DOCK1: variants seen among roughly 807,000 people sequenced by gnomAD.
DOCK1 encodes the protein dedicator of cytokinesis protein 1.
In DOCK1, 138 loss-of-function variants were observed where a neutral mutation model predicts 262.7. The observed-to-expected ratio is 0.53, with a 90% confidence interval of 0.46 to 0.61. The LOEUF is 0.61. Ranked by LOEUF, DOCK1 falls within the 20% of genes least tolerant of loss-of-function variation. The probability of loss-of-function intolerance (pLI) is 0.00; values close to 1 mark genes in which losing one functional copy is unlikely to be tolerated. For missense variants in DOCK1, 1,908 were observed against 2,370.7 expected, an observed-to-expected ratio of 0.80 and a Z score of 4.05; for synonymous variants, 866 against 867.4, an observed-to-expected ratio of 1.00 and a Z score of 0.03.
At chr10:127,198,260 G>T (rs1307850552) in intron 27 of DOCK1, among the ~76,000 whole-genome samples, 1 of 152,230 alleles carries the variant, frequency 6.6e-6, no homozygotes, top group Non-Finnish European at 1.5e-5. Flanking sequence ...GTTCCCTTGG[G>T]GATGTGCTGT....
At chr10:127,001,891 C>T (rs879493373) in intron 10 of DOCK1, among the ~76,000 whole-genome samples, 3 of 152,160 alleles carry the variant, frequency 2.0e-5, no homozygotes, top group Admixed American at 1.3e-4. Flanking sequence ...TTTTATGAGA[C>T]AGAGTCTAAC....
At chr10:127,409,249 T>TG (rs891880661) in intron 41 of DOCK1, 64 bp from the exon 42 acceptor site, 8 of 1,612,060 alleles carry the variant, frequency 5.0e-6, no homozygotes, top group African/African-American at 4.0e-5. Flanking sequence ...TTGGGTGTGG[T>TG]GGGGGGCCTC....
chr10:126,949,196 A>C (rs1418456530), intron 1 of DOCK1, among the ~76,000 whole-genome samples: 1 of 151,998 alleles, frequency 6.6e-6, no homozygotes, highest in South Asian at 2.1e-4. Context: ...TGTTTATTGA[A>C]GGTGACCTGG....
intron 29 of DOCK1, among the ~76,000 whole-genome samples, chr10:127,296,524 G>A (rs2061510334): frequency 6.6e-6 from 1 of 152,226 alleles, no homozygotes; most frequent in African/African-American, 2.4e-5. Context: ...CGTGTGGAGT[G>A]ACGGTCAGGA....
intron 32 of DOCK1, among the ~76,000 whole-genome samples, chr10:127,361,207 A>G (rs1293529646): frequency 3.7e-5 from 5 of 134,758 alleles, no homozygotes; most frequent in East Asian, 4.4e-4. Context: ...TCTTCCTCCC[A>G]GGTTCACGCC....
At chr10:126,928,668 G>A (rs1347229435) in intron 1 of DOCK1, among the ~76,000 whole-genome samples, 1 of 149,212 alleles carries the variant, frequency 6.7e-6, no homozygotes, top group African/African-American at 2.6e-5. Flanking sequence ...TCCAATATGC[G>A]TGATGTCCTT....
intron 23 of DOCK1, among the ~76,000 whole-genome samples, chr10:127,093,551 G>A (rs571492617): frequency 1.3e-5 from 2 of 151,846 alleles, no homozygotes; most frequent in Admixed American, 6.6e-5. Flanking sequence ...ACTGGGTTTC[G>A]CTATGTTGCC....
intron 23 of DOCK1, among the ~76,000 whole-genome samples, chr10:127,084,086 A>G (rs1379015193): frequency 6.6e-6 from 1 of 152,168 alleles, no homozygotes; most frequent in Non-Finnish European, 1.5e-5. Context: ...TTATTTTTTT[A>G]CCTCCTTTAT....
intron 2 of DOCK1, among the ~76,000 whole-genome samples, chr10:126,974,564 T>G (rs2038370481): frequency 6.6e-6 from 1 of 152,142 alleles, no homozygotes; most frequent in African/African-American, 2.4e-5. Context: ...GTAACAGCTG[T>G]GAATCTTTCT....
chr10:126,951,895 G>T (rs1328322440), intron 1 of DOCK1, among the ~76,000 whole-genome samples: 1 of 146,902 alleles, frequency 6.8e-6, no homozygotes, highest in African/African-American at 2.5e-5. Flanking sequence ...TGTCACCCAG[G>T]CTGGAGTGCA....
At chr10:127,340,240 C>CAA (rs1210087515) in intron 30 of DOCK1, among the ~76,000 whole-genome samples, 1 of 152,108 alleles carries the variant, frequency 6.6e-6, no homozygotes, top group African/African-American at 2.4e-5. Context: ...TCTCTTTATA[C>CAA]AATATATATG....
intron 27 of DOCK1, among the ~76,000 whole-genome samples, chr10:127,202,661 G>A (rs1440373731): frequency 2.0e-5 from 3 of 152,170 alleles, no homozygotes; most frequent in Non-Finnish European, 4.4e-5. Context: ...ATGAGACTTC[G>A]ATGAGAATGA....
intron 35 of DOCK1, 135 bp downstream of exon 35, chr10:127,374,349 CTCA>C: frequency 8.4e-7 from 1 of 1,184,476 alleles, no homozygotes; most frequent in Non-Finnish European, 1.1e-6. Context: ...CGCTTGTTTC[CTCA>C]TCTGCTGCAG....
intron 22 of DOCK1, among the ~76,000 whole-genome samples, chr10:127,060,899 T>G (rs1043952492): frequency 1.3e-5 from 2 of 152,200 alleles, no homozygotes; most frequent in Non-Finnish European, 2.9e-5. Context: ...CAATGGAGTG[T>G]GTTGTTGATT....
Position 127,261,235 on chromosome 10 carries a change from G to T in DOCK1, c.3044+3806G>T, listed in dbSNP as rs566635818. Reference sequence around the variant, plus strand: ...CATGTGTGTGCATGTGGGTGTGCGTGTGTGTACCTGCATGTGTGTGCATGT... The same window carrying T: ...CATGTGTGTGCATGTGGGTGTGCGTTTGTGTACCTGCATGTGTGTGCATGT... On this transcript the variant is annotated intron_variant, in intron 29 of 51. Transcript: ENST00000623213. Among the ~76,000 whole-genome samples, 203 of 140,958 alleles carry T rather than the reference G, an allele frequency of 1.4e-3. 4 individuals carry two copies. Among genetic ancestry groups the T allele is most frequent in the African/African-American group, 5.2e-3 (191 of 36,702 alleles). The allele number at this position is 140,958 out of a possible 152,430, so 92.5% of individuals were successfully genotyped here.
intron 1 of DOCK1, among the ~76,000 whole-genome samples, chr10:126,962,470 T>C (rs1032099283): frequency 0.082 from 12,473 of 151,648 alleles, 670 homozygotes; most frequent in African/African-American, 0.15. Flanking sequence ...GTTTTGGCAT[T>C]TTTTTTAGTA....
intron 16 of DOCK1, among the ~76,000 whole-genome samples, chr10:127,029,443 A>C (rs895631267): frequency 1.3e-5 from 2 of 152,244 alleles, no homozygotes; most frequent in African/African-American, 4.8e-5. Flanking sequence ...ATGGGTTAAC[A>C]TAATACCTTT....
chr10:126,938,348 T>A (rs1276860549), intron 1 of DOCK1, among the ~76,000 whole-genome samples: 4 of 152,182 alleles, frequency 2.6e-5, no homozygotes, highest in Admixed American at 6.5e-5. Flanking sequence ...GCGCCCGGCC[T>A]GGCTTCATTT....
chr10:127,071,091 A>C (rs2046205599), intron 23 of DOCK1, among the ~76,000 whole-genome samples: 1 of 152,140 alleles, frequency 6.6e-6, no homozygotes, highest in Non-Finnish European at 1.5e-5. Flanking sequence ...TCAGCAGAAG[A>C]AGGAACGAGG....
Sources: gnomAD v4.1 joint callset for allele counts (sites outside exome capture counted in the v4.1 genomes callset) on GRCh38, gnomAD v4.1.1 for gene constraint, MANE v1.5 for transcripts, NCBI Gene and HGNC (gene_info 2026-07-23, HGNC 2026-07-21) for gene names.